Variants in CLEC4F observed in about 807,000 individuals in gnomAD.
CLEC4F encodes the protein C-type (calcium dependent, carbohydrate-recognition domain) lectin, superfamily member 13.
A neutral mutation model predicts 53.4 loss-of-function variants in CLEC4F; 45 were observed. That is an observed-to-expected ratio of 0.84 (90% confidence interval 0.66 to 1.08). CLEC4F has a LOEUF of 1.08. Ranked by LOEUF, CLEC4F falls within the 50% of genes least tolerant of loss-of-function variation. The pLI is 0.00. For missense variants in CLEC4F, 753 were observed against 698.2 expected (o/e 1.08, Z -0.88); for synonymous variants, 245 against 257.5 (o/e 0.95, Z 0.46).
At chr2:70,819,174 C>T (rs1677084944) in intron 3 of CLEC4F, among the ~76,000 whole-genome samples, 181 bp downstream of exon 3, 1 of 152,126 alleles carries the variant, frequency 6.6e-6, no homozygotes, top group Non-Finnish European at 1.5e-5. Flanking sequence ...AGATTGTATG[C>T]TTTAAATATA....
rs782261787 is a variant in CLEC4F, at chr2:70,809,391, G to A, written c.1659-9C>T. Reference sequence around the variant, plus strand: ...ATCCCTTGGAACCAGGCCTGAGTAGGGCAGGGGGAAAAAAACAGAAAGACC... The same window carrying A: ...ATCCCTTGGAACCAGGCCTGAGTAGAGCAGGGGGAAAAAAACAGAAAGACC... On this transcript the variant is annotated splice_polypyrimidine_tract_variant and intron_variant, in intron 6 of 6. Coordinates refer to ENST00000272367, the MANE Select transcript of CLEC4F (RefSeq NM_173535.3). 5.0e-6 allele frequency: 8 copies of A among 1,593,712 alleles called. No homozygotes were observed. The highest frequency in any genetic ancestry group is 6.8e-6 in the Non-Finnish European group (8 of 1,170,442).
At chr2:70,823,546 T>G (rs2104690148), upstream of CLEC4F, among the ~76,000 whole-genome samples, 1 of 152,290 alleles carries the variant, frequency 6.6e-6, no homozygotes, top group Middle Eastern at 3.4e-3. Context: ...CTTGCCCAAC[T>G]GGAAGGTCAG....
intron 3 of CLEC4F, 40 bp from the exon 4 acceptor site, chr2:70,817,152 T>C (rs1553396635): frequency 6.4e-7 from 1 of 1,574,122 alleles, no homozygotes; most frequent in Non-Finnish European, 8.6e-7. Flanking sequence ...AAGAGGCCCA[T>C]TATGTAGGGT....
chr2:70,817,108 A>G lies in CLEC4F; in HGVS notation c.273T>C (p.His91=), dbSNP rs368099509. 82 of 1,606,408 alleles carry G rather than the reference A, an allele frequency of 5.1e-5. No individual in the cohort carries two copies. The highest frequency in any genetic ancestry group is 6.7e-5 in the Non-Finnish European group (79 of 1,179,370). The change falls in exon 4 of 7, where the codon CAT becomes CAC. Residue 91 remains histidine, a synonymous_variant. Coordinates refer to ENST00000272367, the MANE Select transcript of CLEC4F (RefSeq NM_173535.3). ...TTTCTGCCTCCCTGCCAAAGTGGTG[A>G]TGATCTGGAGGGAGGAAGTGAAGAA... The part of the protein sequence containing the change: ...TGHLPFEPNN[H]HHFGREAEMR...
At position 70,816,140 on chromosome 2, in the gene CLEC4F, A is replaced by G; in HGVS notation, c.1241T>C (p.Leu414Pro). Residue 414 changes from leucine (L) to proline (P), a missense_variant, in exon 4 of 7, where the codon CTG becomes CCG. Coordinates refer to ENST00000272367, the MANE Select transcript of CLEC4F (RefSeq NM_173535.3). ...TSQTQMLDSN[L>P]QKASAEIQRL... ...CTGGATCTCGGCACTGGCCTTCTGC[A>G]GATTGCTGTCTAACATCTGGGTCTG... 2 of 1,614,196 alleles carry G rather than the reference A, an allele frequency of 1.2e-6. No individual in the cohort carries two copies. The highest frequency in any genetic ancestry group is 1.7e-6 in the Non-Finnish European group (2 of 1,180,026).
intron 2 of CLEC4F, 109 bp from the exon 3 acceptor site, chr2:70,819,553 AC>A: frequency 9.4e-7 from 1 of 1,068,418 alleles, no homozygotes; most frequent in Non-Finnish European, 1.4e-6. Context: ...AGCAGCAAAG[AC>A]CCTCCCAGGG....
At chr2:70,822,864 C>T (rs1410146090), upstream of CLEC4F, among the ~76,000 whole-genome samples, 1 of 152,208 alleles carries the variant, frequency 6.6e-6, no homozygotes, top group African/African-American at 2.4e-5. Context: ...GTCTTTTGCA[C>T]AGATCCTGGG....
intron 4 of CLEC4F, among the ~76,000 whole-genome samples, chr2:70,813,300 T>A (rs1159169076): frequency 6.6e-6 from 1 of 152,216 alleles, no homozygotes; most frequent in African/African-American, 2.4e-5. Flanking sequence ...ACATGATTGA[T>A]GCCCTTAAGG....
chr2:70,819,758 G>A lies in CLEC4F; in HGVS notation c.178+17C>T. 1.3e-6 allele frequency: 2 copies of A among 1,537,266 alleles called. No homozygotes were observed. Among genetic ancestry groups the A allele is most frequent in the Non-Finnish European group, 1.8e-6 (2 of 1,135,216 alleles). ...AGGAGAGAAAGTTAGTGAGATTTGG[G>A]TCACCTGGGGGCTTACCCACTACAA... On this transcript the variant is annotated intron_variant, in intron 2 of 6. Transcript: ENST00000272367.
intron 4 of CLEC4F, among the ~76,000 whole-genome samples, chr2:70,815,345 T>A (rs1553395503): frequency 1.3e-5 from 2 of 152,130 alleles, no homozygotes; most frequent in African/African-American, 4.8e-5. Flanking sequence ...AGAAGATTCC[T>A]TTTCCCTTCT....
At chr2:70,822,933 G>A (rs1378643590), upstream of CLEC4F, among the ~76,000 whole-genome samples, 1 of 152,156 alleles carries the variant, frequency 6.6e-6, no homozygotes, top group Non-Finnish European at 1.5e-5. Context: ...AACCACAAAG[G>A]TGGAGAAGCC....
chr2:70,819,994 G>T (rs1677149045), intron 1 of CLEC4F, 103 bp from the exon 2 acceptor site: 1 of 733,552 alleles, frequency 1.4e-6, no homozygotes. Context: ...TTCCTGGGTT[G>T]TCTAATGGGG....
In CLEC4F at chr2:70,816,203, A is replaced by G; in HGVS notation, c.1178T>C (p.Leu393Pro). ...TGAAGCATTCTTCATTCCTTGTTTTAGGGTCTGTATCTCTCTGCTGGCATT... is the reference window on the plus strand; with the variant it reads ...TGAAGCATTCTTCATTCCTTGTTTTGGGGTCTGTATCTCTCTGCTGGCATT... Reference protein sequence around the residue: ...MKNASREIQTLKQGMKNASAL... With the variant: ...MKNASREIQTPKQGMKNASAL... Residue 393 changes from leucine (L) to proline (P), a missense_variant, in exon 4 of 7, where the codon CTA (leucine) becomes CCA (proline). Leu to Pro is a moderately conservative substitution (Grantham distance 98). Coordinates refer to ENST00000272367, the MANE Select transcript of CLEC4F (RefSeq NM_173535.3). 6.2e-7 allele frequency: 1 copy of G among 1,614,144 alleles called. No individual in the cohort carries two copies.
intron 5 of CLEC4F, 142 bp from the exon 6 acceptor site, chr2:70,809,999 C>A (rs1238438032): frequency 1.6e-6 from 1 of 640,130 alleles, no homozygotes; most frequent in Non-Finnish European, 2.8e-6. Flanking sequence ...ACACTTTTAT[C>A]TCATTTGGGG....
chr2:70,819,094 G>A (rs566413844), intron 3 of CLEC4F, among the ~76,000 whole-genome samples: 2 of 152,318 alleles, frequency 1.3e-5, no homozygotes, highest in South Asian at 2.1e-4. Context: ...ACTTTGGGGT[G>A]AGGAGGATGA....
At chr2:70,818,350 T>G (rs1438121881) in intron 3 of CLEC4F, among the ~76,000 whole-genome samples, 2 of 152,142 alleles carry the variant, frequency 1.3e-5, no homozygotes, top group Non-Finnish European at 2.9e-5. Flanking sequence ...CAACAAATGG[T>G]GCTGGAACAA....
chr2:70,813,539 T>TTTC (rs1676688672), intron 4 of CLEC4F, among the ~76,000 whole-genome samples: 1 of 133,274 alleles, frequency 7.5e-6, no homozygotes, highest in African/African-American at 3.0e-5. Context: ...TTCTTTCTTT[T>TTTC]TTTCTTTCTT....
intron 1 of CLEC4F, 66 bp downstream of exon 1, chr2:70,820,397 C>T (rs1677171981): frequency 1.4e-6 from 2 of 1,440,068 alleles, no homozygotes; most frequent in African/African-American, 2.8e-5. Flanking sequence ...TGCCTTATGG[C>T]AGAGGGCCAA....
chr2:70,820,662 T>C, upstream of CLEC4F: 1 of 812,754 alleles, frequency 1.2e-6, no homozygotes. Flanking sequence ...TCTTCCTCCC[T>C]CCCTGCCTGA....
Sources: gnomAD v4.1 joint callset for allele counts (sites outside exome capture counted in the v4.1 genomes callset) on GRCh38, gnomAD v4.1.1 for gene constraint, MANE v1.5 for transcripts, NCBI Gene and HGNC (gene_info 2026-07-23, HGNC 2026-07-21) for gene names.